ELP4: variants seen among roughly 807,000 people sequenced by gnomAD.
The protein encoded by ELP4 is elongator complex protein 4.
In ELP4, 51 loss-of-function variants were observed where a neutral mutation model predicts 48.9. The observed-to-expected ratio is 1.04, with a 90% CI of 0.83 to 1.32. The LOEUF is 1.32. Among genes scored for constraint, ELP4 ranks in the 40% most tolerant of loss-of-function variants. The probability of loss-of-function intolerance (pLI) is 0.00; values close to 1 mark genes in which losing one functional copy is unlikely to be tolerated. For synonymous variants in ELP4, 210 were observed against 189.2 expected, an observed-to-expected ratio of 1.11 and a Z score of -0.90; for missense variants, 519 against 514.6, an observed-to-expected ratio of 1.01 and a Z score of -0.08.
At chr11:31,781,331 A>G (rs1463084408) in intron 9 of ELP4, among the ~76,000 whole-genome samples, 3 of 151,966 alleles carry the variant, frequency 2.0e-5, no homozygotes. Flanking sequence ...TTTGCTCATT[A>G]GCAATAACTA....
At chr11:31,639,842 T>C (rs1420157827) in intron 7 of ELP4, among the ~76,000 whole-genome samples, 1 of 152,022 alleles carries the variant, frequency 6.6e-6, no homozygotes, top group African/African-American at 2.4e-5. Context: ...TTTTCCTTTC[T>C]CTAAAATAAC....
chr11:31,716,887 AAG>A (rs1473414389), intron 9 of ELP4, among the ~76,000 whole-genome samples: 1 of 152,246 alleles, frequency 6.6e-6, no homozygotes, highest in African/African-American at 2.4e-5. Flanking sequence ...ATTCAGAGAA[AAG>A]AGAAATCTTT....
At chr11:31,704,959 TGAG>T (rs998611324) in intron 9 of ELP4, among the ~76,000 whole-genome samples, 17 of 149,512 alleles carry the variant, frequency 1.1e-4, no homozygotes, top group African/African-American at 4.0e-4. Flanking sequence ...TGTGGTGAGC[TGAG>T]ATCGCGCCAC....
chr11:31,645,640 T>C (rs1945183494), intron 7 of ELP4: 1 of 151,806 alleles, frequency 6.6e-6, no homozygotes, highest in Non-Finnish European at 1.5e-5. Flanking sequence ...CTTAGTCTTT[T>C]ATTTATAGAT....
At chr11:31,578,929 A>G (rs1317448708) in intron 3 of ELP4, among the ~76,000 whole-genome samples, 1 of 152,256 alleles carries the variant, frequency 6.6e-6, no homozygotes, top group Non-Finnish European at 1.5e-5. Flanking sequence ...AAAAGCCAAA[A>G]TTGACAAATG....
chr11:31,552,548 T>C (rs1443368069), intron 3 of ELP4, among the ~76,000 whole-genome samples: 3 of 152,158 alleles, frequency 2.0e-5, no homozygotes, highest in Admixed American at 2.0e-4. Context: ...AACTCACATC[T>C]TCTGTTTGCT....
chr11:31,546,987 T>A (rs1395909236), intron 3 of ELP4, among the ~76,000 whole-genome samples: 1 of 151,128 alleles, frequency 6.6e-6, no homozygotes, highest in Non-Finnish European at 1.5e-5. Context: ...TTCAAAGCAG[T>A]GTGTAGAGGG....
At chr11:31,711,333 G>A (rs1365020466) in intron 9 of ELP4, among the ~76,000 whole-genome samples, 1 of 152,048 alleles carries the variant, frequency 6.6e-6, no homozygotes, top group East Asian at 1.9e-4. Context: ...ACAAATAAAC[G>A]TTTCAAAAGT....
intron 3 of ELP4, among the ~76,000 whole-genome samples, chr11:31,552,161 G>A (rs548900480): frequency 6.6e-6 from 1 of 151,976 alleles, no homozygotes; most frequent in African/African-American, 2.4e-5. Context: ...TACCTTCTTG[G>A]TGTTCTCCTA....
At chr11:31,773,297 A>G (rs568386974) in intron 9 of ELP4, among the ~76,000 whole-genome samples, 9 of 152,332 alleles carry the variant, frequency 5.9e-5, no homozygotes, top group Non-Finnish European at 1.2e-4. Flanking sequence ...GATACCACCT[A>G]GTTATTTTAT....
chr11:31,590,766 GCAGGAAGGTAGTTCA>G (rs1030181132), intron 3 of ELP4, among the ~76,000 whole-genome samples: 1 of 152,184 alleles, frequency 6.6e-6, no homozygotes, highest in Non-Finnish European at 1.5e-5. Flanking sequence ...AAGAGAGCAA[GCAGGAAGGTAGTTCA>G]CACTTTTAAA....
At chr11:31,586,441 G>A (rs1565067348) in intron 3 of ELP4, among the ~76,000 whole-genome samples, 1 of 152,170 alleles carries the variant, frequency 6.6e-6, no homozygotes, top group Non-Finnish European at 1.5e-5. Flanking sequence ...TGAAGGAAGA[G>A]TTTTTCAAGA....
intron 2 of ELP4, among the ~76,000 whole-genome samples, chr11:31,532,302 T>A (rs980326515): frequency 6.6e-6 from 1 of 152,226 alleles, no homozygotes; most frequent in Non-Finnish European, 1.5e-5. Flanking sequence ...GTTTGCTAAG[T>A]ACTATGTCTA....
At chr11:31,555,055 C>T (rs1270208175) in intron 3 of ELP4, among the ~76,000 whole-genome samples, 2 of 152,030 alleles carry the variant, frequency 1.3e-5, no homozygotes, top group East Asian at 1.9e-4. Context: ...GTAGTCAAAG[C>T]GCCTGTATGC....
intron 9 of ELP4, among the ~76,000 whole-genome samples, chr11:31,737,408 T>C (rs375821618): frequency 6.6e-6 from 1 of 152,030 alleles, no homozygotes; most frequent in East Asian, 1.9e-4. Flanking sequence ...ACATGGCACA[T>C]GTATACGTAT....
chr11:31,774,576 A>C (rs1948208124), intron 9 of ELP4, among the ~76,000 whole-genome samples: 1 of 152,246 alleles, frequency 6.6e-6, no homozygotes, highest in South Asian at 2.1e-4. Context: ...TAAAGTGGCA[A>C]GAAGCTACCA....
chr11:31,789,902 A>C lies in ELP4; in HGVS notation c.*6378A>C. 2.7e-6 allele frequency: 4 copies of C among 1,500,830 alleles called. No homozygotes were observed. Among genetic ancestry groups the C allele is most frequent in the African/African-American group, 1.6e-5 (1 of 62,880 alleles). 93.0% of individuals were successfully genotyped at this position (1,500,830 alleles called of 1,614,324 possible). On this transcript the variant is annotated 3_prime_UTR_variant, in exon 10 of 10. Coordinates refer to ENST00000640961, the MANE Select transcript of ELP4 (RefSeq NM_019040.5). ...TAGTCACTGACTGAATTAACACAAT[A>C]TTTCCTTTCCTTTTTTTTTTTTTTT...
intron 1 of ELP4, among the ~76,000 whole-genome samples, chr11:31,517,430 C>T (rs1370160591): frequency 6.6e-6 from 1 of 152,084 alleles, no homozygotes; most frequent in Non-Finnish European, 1.5e-5. Context: ...TTCCAAAGTG[C>T]TGGGATTGCA....
Position 31,519,987 on chromosome 11 carries a change from G to C in ELP4, c.224-69G>C, listed in dbSNP as rs1403726465. On this transcript the variant is annotated intron_variant, in intron 1 of 9. Coordinates refer to ENST00000640961, the MANE Select transcript of ELP4 (RefSeq NM_019040.5). ...TATTGAAGTGCCTTTCCTTCATAAA[G>C]CCTAACTTTTATGCTAAAGGTAATG... The C allele has an allele frequency of 4.0e-6, 6 of 1,496,376 alleles. No homozygotes were observed. In the South Asian group the frequency reaches 7.1e-5, roughly 18 times the overall value. 92.7% of individuals were successfully genotyped at this position (1,496,376 alleles called of 1,614,324 possible). A position where few individuals can be genotyped will look rare whatever the true frequency, so the allele number is the denominator to read the frequency against.
Sources: gnomAD v4.1 joint callset for allele counts (sites outside exome capture counted in the v4.1 genomes callset) on GRCh38, gnomAD v4.1.1 for gene constraint, MANE v1.5 for transcripts, NCBI Gene and HGNC (gene_info 2026-07-23, HGNC 2026-07-21) for gene names.